CNTRL: variants seen among roughly 807,000 people sequenced by gnomAD.
The protein encoded by CNTRL is 110 kDa centrosomal protein.
In CNTRL, 233 loss-of-function variants were observed where a neutral mutation model predicts 303.7. That is an observed-to-expected ratio of 0.77 (90% CI 0.69 to 0.86). The LOEUF is 0.86. CNTRL is among the 40% of genes least tolerant of loss of function. CNTRL has a pLI of 0.00. For synonymous variants in CNTRL, 900 were observed against 922.2 expected (o/e 0.98, Z 0.44); for missense variants, 2,524 against 2,650.6 (o/e 0.95, Z 1.05).
At position 121,094,957 on chromosome 9, in the gene CNTRL, A is replaced by G; in HGVS notation, c.418A>G (p.Ile140Val). 6.2e-7 allele frequency: 1 copy of G among 1,605,156 alleles called. No individual in the cohort carries two copies. Among genetic ancestry groups the G allele is most frequent in the East Asian group, 2.2e-5 (1 of 44,592 alleles). Residue 140 changes from isoleucine to valine, a missense_variant, in exon 5 of 44, where the codon ATT (isoleucine) becomes GTT (valine). Coordinates refer to ENST00000373855, the MANE Select transcript of CNTRL (RefSeq NM_007018.6). Reference sequence around the variant, plus strand: ...TCTCAGCTATAATCTAATAGGGAAGATTGAAAAGTTGGACAAGCTGTTAAA... The same window carrying G: ...TCTCAGCTATAATCTAATAGGGAAGGTTGAAAAGTTGGACAAGCTGTTAAA... ...LNLSYNLIGK[I>V]EKLDKLLKLR...
intron 30 of CNTRL, 136 bp downstream of exon 30, chr9:121,158,245 G>A (rs2052679377): frequency 2.0e-6 from 2 of 1,016,404 alleles, no homozygotes; most frequent in East Asian, 5.3e-5. Flanking sequence ...AACTAAATTT[G>A]AATCCCAACT....
chr9:121,085,535 A>G (rs1197126341), intron 2 of CNTRL, among the ~76,000 whole-genome samples: 2 of 152,198 alleles, frequency 1.3e-5, no homozygotes, highest in Admixed American at 6.5e-5. Context: ...CCTAGACACC[A>G]TGGAGCTGCT....
chr9:121,163,328 AAT>A (rs981878562), intron 34 of CNTRL, among the ~76,000 whole-genome samples: 4 of 146,566 alleles, frequency 2.7e-5, no homozygotes, highest in Non-Finnish European at 6.0e-5. Context: ...TCAAAAAAAA[AAT>A]ATATATATAT....
chr9:121,106,205 T>C (rs2049460023), intron 7 of CNTRL, among the ~76,000 whole-genome samples: 1 of 151,540 alleles, frequency 6.6e-6, no homozygotes, highest in Non-Finnish European at 1.5e-5. Flanking sequence ...TGGGTGTGGT[T>C]TTGGGCGCCT....
intron 13 of CNTRL, among the ~76,000 whole-genome samples, chr9:121,124,433 G>A (rs543334061): frequency 1.1e-4 from 17 of 152,284 alleles, no homozygotes; most frequent in Non-Finnish European, 2.4e-4. Flanking sequence ...CTGGTTATAA[G>A]AAGAAAGAGT....
At chr9:121,122,487 G>A (rs1588162185) in intron 12 of CNTRL, 1 of 705,644 alleles carries the variant, frequency 1.4e-6, no homozygotes, top group East Asian at 1.3e-4. Context: ...TTAGACTTGA[G>A]ATCATTGGTG....
chr9:121,117,522 C>T (rs932460739), intron 11 of CNTRL, among the ~76,000 whole-genome samples: 2 of 152,136 alleles, frequency 1.3e-5, no homozygotes, highest in African/African-American at 4.8e-5. Flanking sequence ...GTAACTGTAG[C>T]GTAGTAGTCA....
chr9:121,084,143 G>A lies in CNTRL; in HGVS notation c.-32+3665G>A, dbSNP rs568502234. On this transcript the variant is annotated intron_variant, in intron 2 of 43. Transcript: ENST00000373855. ...AGCAGTGACTATAGGGGAAATTAAG[G>A]TACTAAGCAAAGATAGCATCATTAT... is the stretch of plus-strand genomic sequence containing the variant. Among the ~76,000 whole-genome samples, 11 of 152,084 alleles carry A rather than the reference G, an allele frequency of 7.2e-5. 1 individual carries two copies. The South Asian group carries it at 2.3e-3, about 32-fold the overall frequency.
At chr9:121,077,425 G>A (rs961824392) in intron 1 of CNTRL, among the ~76,000 whole-genome samples, 1 of 151,748 alleles carries the variant, frequency 6.6e-6, no homozygotes, top group Non-Finnish European at 1.5e-5. Flanking sequence ...AAGAAATAAT[G>A]CCAGCCATTC....
intron 38 of CNTRL, 53 bp downstream of exon 38, chr9:121,168,374 G>C (rs2053176010): frequency 1.3e-6 from 2 of 1,521,754 alleles, no homozygotes; most frequent in Non-Finnish European, 1.8e-6. Flanking sequence ...TGGCTCTGCT[G>C]GTTGTCTTGC....
intron 21 of CNTRL, 71 bp from the exon 22 acceptor site, chr9:121,145,173 T>C (rs1192691792): frequency 6.7e-6 from 10 of 1,489,526 alleles, no homozygotes; most frequent in Non-Finnish European, 9.1e-6. Context: ...CATAATCAAG[T>C]TGAAAGGATA....
intron 7 of CNTRL, among the ~76,000 whole-genome samples, chr9:121,103,380 C>T (rs2049283191): frequency 6.6e-6 from 1 of 152,172 alleles, no homozygotes; most frequent in Admixed American, 6.5e-5. Context: ...CTTCCTTACA[C>T]CTTATACAAA....
chr9:121,148,449 G>C (rs926665480), intron 23 of CNTRL, among the ~76,000 whole-genome samples: 1 of 152,168 alleles, frequency 6.6e-6, no homozygotes, highest in Non-Finnish European at 1.5e-5. Context: ...ACCCTGCCAT[G>C]TCGATCAAGT....
At chr9:121,166,001 C>T (rs2053074760) in intron 35 of CNTRL, 106 bp from the exon 36 acceptor site, 2 of 778,266 alleles carry the variant, frequency 2.6e-6, no homozygotes, top group Non-Finnish European at 4.3e-6. Context: ...ATACATGTAA[C>T]AGGAGTAAGC....
chr9:121,128,707 G>A (rs537543241), intron 14 of CNTRL, among the ~76,000 whole-genome samples: 1 of 152,268 alleles, frequency 6.6e-6, no homozygotes, highest in Admixed American at 6.5e-5. Context: ...TAGTCATGAA[G>A]TCCTTGCCCA....
intron 31 of CNTRL, 86 bp downstream of exon 31, chr9:121,159,105 T>G (rs2052729450): frequency 7.5e-7 from 1 of 1,329,740 alleles, no homozygotes; most frequent in Non-Finnish European, 1.0e-6. Flanking sequence ...TCTCCCCAAA[T>G]GAAAATATAA....
Position 121,115,122 on chromosome 9 carries a change from A to G in CNTRL, c.1377A>G (p.Glu459=), listed in dbSNP as rs1447362977. ...AQTRLSELHD[E]IEKAEQQILR... ...CTCGACTATCAGAACTGCATGATGA[A>G]ATAGAAAAGGCAGAACAACAAATTT... The change falls in exon 11 of 44, where the codon GAA becomes GAG. Residue 459 remains glutamate, a synonymous_variant. Coordinates refer to ENST00000373855, the MANE Select transcript of CNTRL (RefSeq NM_007018.6). 1.1e-5 allele frequency: 17 copies of G among 1,610,750 alleles called. No homozygotes were observed. Among genetic ancestry groups the G allele is most frequent in the Non-Finnish European group, 1.4e-5 (17 of 1,178,250 alleles).
At chr9:121,103,253 T>C (rs1001031113) in intron 7 of CNTRL, among the ~76,000 whole-genome samples, 1 of 152,050 alleles carries the variant, frequency 6.6e-6, no homozygotes, top group African/African-American at 2.4e-5. Context: ...CACACATCTA[T>C]AACCATCTGA....
intron 9 of CNTRL, among the ~76,000 whole-genome samples, chr9:121,113,239 G>A (rs1338526473): frequency 6.6e-6 from 1 of 152,128 alleles, no homozygotes; most frequent in African/African-American, 2.4e-5. Flanking sequence ...ACTGTAGGCA[G>A]TTCTTTAATC....
Sources: allele counts gnomAD v4.1 joint callset (sites outside exome capture counted in the v4.1 genomes callset), GRCh38; gene constraint gnomAD v4.1.1; transcripts MANE v1.5; gene names NCBI Gene and HGNC (gene_info 2026-07-23, HGNC 2026-07-21).